Variants in BBS2 observed in about 807,000 individuals in gnomAD.
The protein encoded by BBS2 is BBSome complex member BBS2.
In BBS2, 62 loss-of-function variants were observed where a neutral mutation model predicts 83.0. That is an observed-to-expected ratio of 0.75 (90% CI 0.61 to 0.92). BBS2 has a LOEUF of 0.92. BBS2 is among the 40% of genes least tolerant of loss of function. BBS2 has a pLI of 0.00. For synonymous variants in BBS2, 303 were observed against 326.1 expected, an observed-to-expected ratio of 0.93 and a Z score of 0.76; for missense variants, 784 against 901.0, an observed-to-expected ratio of 0.87 and a Z score of 1.66.
chr16:56,492,510 G>A lies in BBS2; in HGVS notation c.1910+4457C>T, dbSNP rs189139140. 1.2e-4 allele frequency among the ~76,000 whole-genome samples: 19 copies of A among 152,188 alleles called. No individual in the cohort carries two copies. The East Asian group carries it at 3.7e-3, about 29-fold the overall frequency. On this transcript the variant is annotated intron_variant, in intron 15 of 16. Transcript: ENST00000245157. ...TAGTTGAAAGAGGGGAAGAAGAAAT[G>A]GGAATTTGCTTACCAATAGTTTCAG...
chr16:56,518,581 G>T (rs1964817286), intron 1 of BBS2, among the ~76,000 whole-genome samples: 1 of 152,228 alleles, frequency 6.6e-6, no homozygotes, highest in African/African-American at 2.4e-5. Flanking sequence ...AGGTACTGGA[G>T]CCAAGAAACA....
chr16:56,497,691 A>G, intron 14 of BBS2, 52 bp downstream of exon 14: 2 of 1,605,992 alleles, frequency 1.2e-6, no homozygotes, highest in South Asian at 1.1e-5. Context: ...AATCTCCTCA[A>G]ATATTATTAG....
intron 1 of BBS2, among the ~76,000 whole-genome samples, chr16:56,517,913 AG>A (rs1445135086): frequency 3.3e-5 from 5 of 149,694 alleles, no homozygotes; most frequent in African/African-American, 1.2e-4. Context: ...TCCACCTCCT[AG>A]GTTCAGGTGA....
chr16:56,476,058 T>C (rs748084781), intron 17 of BBS2: 1 of 1,611,868 alleles, frequency 6.2e-7, no homozygotes, highest in Non-Finnish European at 8.5e-7. Flanking sequence ...TAACAGTGAA[T>C]CCAGAAAGCA....
chr16:56,511,296 A>T lies in BBS2; in HGVS notation c.346-12T>A. 6.2e-7 allele frequency: 1 copy of T among 1,613,726 alleles called. No homozygotes were observed. On this transcript the variant is annotated splice_polypyrimidine_tract_variant and intron_variant, in intron 2 of 16. Transcript: ENST00000245157. ...GCCCCATCTGCTACCTAAGAAAAGTAAAAGGACACATTATCTTAGACACGA... is the reference window on the plus strand; with the variant it reads ...GCCCCATCTGCTACCTAAGAAAAGTTAAAGGACACATTATCTTAGACACGA...
At chr16:56,496,406 T>C (rs1309662163) in intron 15 of BBS2, among the ~76,000 whole-genome samples, 1 of 152,202 alleles carries the variant, frequency 6.6e-6, no homozygotes, top group Non-Finnish European at 1.5e-5. Flanking sequence ...GAGAAAATAC[T>C]ATCTTATATG....
At chr16:56,480,352 C>CACAAAAAAAAAAAAGAAAAAAAAAAAA (rs1289081468), downstream of BBS2, among the ~76,000 whole-genome samples, 1 of 76,592 alleles carries the variant, frequency 1.3e-5, no homozygotes, top group African/African-American at 7.2e-5. Flanking sequence ...CACACACACA[C>CACAAAAAAAAAAAAGAAAAAAAAAAAA]AAAAAAAAAA....
At chr16:56,470,603 A>C in exon 18 of BBS2, 1 of 1,614,182 alleles carries the variant, frequency 6.2e-7, no homozygotes, top group Non-Finnish European at 8.5e-7. Flanking sequence ...CTGAAGCTTC[A>C]TTTCTTGGCC....
chr16:56,472,249 C>G (rs1004193922), intron 17 of BBS2, among the ~76,000 whole-genome samples: 1 of 152,016 alleles, frequency 6.6e-6, no homozygotes, highest in South Asian at 2.1e-4. Context: ...TGATTACAAG[C>G]GTGACCAATC....
intron 12 of BBS2, 124 bp from the exon 13 acceptor site, chr16:56,498,692 T>A (rs1964181144): frequency 6.4e-7 from 1 of 1,561,622 alleles, no homozygotes; most frequent in East Asian, 2.4e-5. Flanking sequence ...TTTCTAGTTT[T>A]ACTGCTTTGT....
intron 15 of BBS2, among the ~76,000 whole-genome samples, chr16:56,493,235 A>C (rs1042471436): frequency 6.6e-6 from 1 of 152,030 alleles, no homozygotes; most frequent in Non-Finnish European, 1.5e-5. Flanking sequence ...AAAAAATAAA[A>C]AATTAGCCGG....
At chr16:56,511,118 A>C (rs774053983) in intron 3 of BBS2, 41 bp downstream of exon 3, 1 of 1,613,054 alleles carries the variant, frequency 6.2e-7, no homozygotes, top group Non-Finnish European at 8.5e-7. Flanking sequence ...TAAAAGTAAA[A>C]ATGCTTAAGG....
chr16:56,494,125 A>ATTTTTTT (rs774708101), intron 15 of BBS2, among the ~76,000 whole-genome samples: 2 of 120,150 alleles, frequency 1.7e-5, no homozygotes, highest in African/African-American at 3.3e-5. Context: ...TGCCCAGCTA[A>ATTTTTTT]TTTTTTTTTT....
In BBS2 at chr16:56,499,800, G is replaced by A; in HGVS notation, c.1505C>T (p.Thr502Ile). The A allele has an allele frequency of 6.2e-7, 1 of 1,614,146 alleles. No homozygotes were observed. Among genetic ancestry groups the A allele is most frequent in the South Asian group, 1.1e-5 (1 of 91,086 alleles). ...CACCCTCTGTGCCCGTTCTGCAATG[G>A]TAAAGTTAACATAACTGATTGGCTC... is the stretch of plus-strand genomic sequence containing the variant. ...ASEPISYVNFTIAERAQRVVV... is the reference protein window; with the variant it reads ...ASEPISYVNFIIAERAQRVVV... Residue 502 changes from threonine (T) to isoleucine (I), a missense_variant, in exon 12 of 17, where the codon ACC (threonine) becomes ATC (isoleucine). Transcript: ENST00000245157.
At chr16:56,474,849 A>G in intron 17 of BBS2, 6 of 1,612,018 alleles carry the variant, frequency 3.7e-6, no homozygotes, top group Non-Finnish European at 5.1e-6. Context: ...CCCATGTGCC[A>G]AGGGGAACTG....
intron 12 of BBS2, 43 bp from the exon 13 acceptor site, chr16:56,498,611 C>T (rs771026294): frequency 9.3e-6 from 15 of 1,611,876 alleles, no homozygotes. Flanking sequence ...TTTTAAGGTA[C>T]AGACGTTCTT....
intron 15 of BBS2, among the ~76,000 whole-genome samples, chr16:56,491,921 C>CA (rs1250035939): frequency 2.0e-5 from 3 of 150,672 alleles, no homozygotes; most frequent in African/African-American, 7.3e-5. Context: ...TGAAAATTAT[C>CA]AAAAAAAAGA....
In BBS2 at chr16:56,502,582, G is replaced by A. The variant is rs41280890; in HGVS notation, c.940+91C>T. On this transcript the variant is annotated intron_variant, in intron 8 of 16. Coordinates refer to ENST00000245157, the MANE Select transcript of BBS2 (RefSeq NM_031885.5). ...GAATTTATTAGAACTACAGGATCTC[G>A]GTACAAATACTTCAGGTGAAATTTC... 75,227 of 1,609,478 alleles carry A rather than the reference G, an allele frequency of 0.047. 2,567 individuals carry two copies. Among genetic ancestry groups the A allele is most frequent in the South Asian group, 0.13 (11,479 of 90,874 alleles).
At chr16:56,499,998 C>A in intron 11 of BBS2, 91 bp from the exon 12 acceptor site, 1 of 1,492,894 alleles carries the variant, frequency 6.7e-7, no homozygotes, top group Non-Finnish European at 9.3e-7. Flanking sequence ...ACTTCTGGGT[C>A]ATCAATTGAT....
Sources: gnomAD v4.1 joint callset for allele counts (sites outside exome capture counted in the v4.1 genomes callset) on GRCh38, gnomAD v4.1.1 for gene constraint, MANE v1.5 for transcripts, NCBI Gene and HGNC (gene_info 2026-07-23, HGNC 2026-07-21) for gene names.